GABRA2: variants seen among roughly 807,000 people sequenced by gnomAD.
GABRA2 encodes the protein gamma-aminobutyric acid type A receptor subunit alpha2, also known as gamma-aminobutyric acid receptor subunit alpha-2.
A neutral mutation model predicts 48.7 loss-of-function variants in GABRA2; 16 were observed. That is an observed-to-expected ratio of 0.33 (90% CI 0.22 to 0.50). The LOEUF (loss-of-function observed/expected upper bound fraction) is 0.50. Among genes scored for constraint, GABRA2 ranks in the 20% least tolerant of loss-of-function variants. The pLI is 0.98. For missense variants in GABRA2, 275 were observed against 535.6 expected, an observed-to-expected ratio of 0.51 and a Z score of 4.80; for synonymous variants, 185 against 184.5, an observed-to-expected ratio of 1.00 and a Z score of -0.02.
intron 8 of GABRA2, among the ~76,000 whole-genome samples, chr4:46,264,500 T>C (rs896389465): frequency 5.9e-5 from 9 of 152,128 alleles, no homozygotes; most frequent in Non-Finnish European, 1.3e-4. Context: ...GATTTTTGTA[T>C]GCTGACCCAA....
At chr4:46,254,826 G>A (rs1715486936) in intron 9 of GABRA2, among the ~76,000 whole-genome samples, 1 of 151,612 alleles carries the variant, frequency 6.6e-6, no homozygotes, top group South Asian at 2.1e-4. Context: ...ATGTCCAGAA[G>A]TGCACTCAGC....
At chr4:46,295,118 T>C (rs1724394667) in intron 8 of GABRA2, among the ~76,000 whole-genome samples, 1 of 152,180 alleles carries the variant, frequency 6.6e-6, no homozygotes, top group South Asian at 2.1e-4. Flanking sequence ...CTGCATGATA[T>C]GCAGGCACCA....
chr4:46,265,809 G>C (rs191791998), intron 8 of GABRA2, among the ~76,000 whole-genome samples: 17 of 151,746 alleles, frequency 1.1e-4, no homozygotes, highest in African/African-American at 3.9e-4. Flanking sequence ...TAACATAAGT[G>C]GTTAGAGATA....
At chr4:46,273,057 CT>C (rs1719657837) in intron 8 of GABRA2, among the ~76,000 whole-genome samples, 1 of 88,552 alleles carries the variant, frequency 1.1e-5, no homozygotes, top group Non-Finnish European at 2.2e-5. Context: ...CCCCCCACCC[CT>C]GACAGAAATT....
intron 9 of GABRA2, among the ~76,000 whole-genome samples, chr4:46,257,207 A>G (rs1021619257): frequency 2.6e-5 from 4 of 151,686 alleles, no homozygotes; most frequent in African/African-American, 9.7e-5. Flanking sequence ...GTCAAAACAC[A>G]ATTTGGGGAA....
intron 3 of GABRA2, among the ~76,000 whole-genome samples, chr4:46,355,800 C>T (rs932144098): frequency 2.0e-5 from 3 of 152,014 alleles, no homozygotes; most frequent in Non-Finnish European, 2.9e-5. Context: ...TCTGTATTAC[C>T]TTAAAATATC....
At chr4:46,375,971 T>C (rs1715636590) in intron 3 of GABRA2, among the ~76,000 whole-genome samples, 1 of 152,218 alleles carries the variant, frequency 6.6e-6, no homozygotes, top group African/African-American at 2.4e-5. Flanking sequence ...CCTACTTCTC[T>C]AAACTTCAAT....
At chr4:46,334,100 T>C (rs938758457) in intron 3 of GABRA2, among the ~76,000 whole-genome samples, 2 of 152,084 alleles carry the variant, frequency 1.3e-5, no homozygotes, top group African/African-American at 4.8e-5. Context: ...GAAAATAAAT[T>C]TATAAAATTA....
Position 46,256,218 on chromosome 4 carries a change from A to G in GABRA2, c.1060-5614T>C, listed in dbSNP as rs1009777259. ...ACAGAAGATTGTTTGAAGGTTAAAC[A>G]GTCCATCCACTTCTCTAAGTACTCT... On this transcript the variant is annotated intron_variant, in intron 9 of 9. Transcript: ENST00000381620. 3.4e-5 allele frequency: 23 copies of G among 681,612 alleles called. No homozygotes were observed. Among genetic ancestry groups the G allele is most frequent in the Non-Finnish European group, 5.6e-5 (21 of 374,298 alleles). 42.2% of individuals were successfully genotyped at this position (681,612 alleles called of 1,614,324 possible).
At chr4:46,305,791 C>T in intron 6 of GABRA2, 80 bp from the exon 7 acceptor site, 2 of 992,074 alleles carry the variant, frequency 2.0e-6, no homozygotes, top group Non-Finnish European at 3.0e-6. Context: ...TTGTGTATTT[C>T]ATACAATCAC....
At chr4:46,252,959 G>A (rs1357567039) in intron 9 of GABRA2, among the ~76,000 whole-genome samples, 1 of 151,334 alleles carries the variant, frequency 6.6e-6, no homozygotes, top group Non-Finnish European at 1.5e-5. Flanking sequence ...TATTCTCCTA[G>A]TGGAGTGCAA....
chr4:46,325,982 G>A (rs1351411947), intron 4 of GABRA2, among the ~76,000 whole-genome samples: 1 of 151,852 alleles, frequency 6.6e-6, no homozygotes, highest in South Asian at 2.1e-4. Context: ...AGCCTTGTAG[G>A]GTAGTTTGAA....
rs1216149956 is a variant in GABRA2 at position 46,249,200 on chromosome 4, A to G, written c.*1108T>C. Reference sequence around the variant, plus strand: ...TGAGTCAGCGAAATTTAAAGTTGCAATTTACAAAAGCAGATTTACATTAAT... The same window carrying G: ...TGAGTCAGCGAAATTTAAAGTTGCAGTTTACAAAAGCAGATTTACATTAAT... On this transcript the variant is annotated 3_prime_UTR_variant, in exon 10 of 10. Coordinates refer to ENST00000381620, the MANE Select transcript of GABRA2 (RefSeq NM_000807.4). The G allele has an allele frequency of 6.6e-6, 1 of 151,490 alleles. No individual in the cohort carries two copies. The highest frequency in any genetic ancestry group is 1.5e-5 in the Non-Finnish European group (1 of 67,690). 9.4% of individuals were successfully genotyped at this position (151,490 alleles called of 1,614,324 possible).
At chr4:46,346,139 C>T (rs1171693201) in intron 3 of GABRA2, among the ~76,000 whole-genome samples, 1 of 151,946 alleles carries the variant, frequency 6.6e-6, no homozygotes, top group Non-Finnish European at 1.5e-5. Flanking sequence ...TGCCATTTGT[C>T]ATCCATCAAT....
At chr4:46,307,329 CT>C in intron 6 of GABRA2, among the ~76,000 whole-genome samples, 1 of 151,742 alleles carries the variant, frequency 6.6e-6, no homozygotes. Flanking sequence ...TTCTGGCGCT[CT>C]CTTCAATAAA....
At chr4:46,371,759 C>G (rs552609045) in intron 3 of GABRA2, among the ~76,000 whole-genome samples, 2 of 152,196 alleles carry the variant, frequency 1.3e-5, no homozygotes, top group South Asian at 4.1e-4. Context: ...TGTTTATACT[C>G]TGCTAAAAAT....
At chr4:46,306,622 T>C (rs1021148118) in intron 6 of GABRA2, among the ~76,000 whole-genome samples, 1 of 152,200 alleles carries the variant, frequency 6.6e-6, no homozygotes, top group Non-Finnish European at 1.5e-5. Flanking sequence ...CTACGCACTT[T>C]TACTCATGAG....
chr4:46,277,543 A>G (rs1426127739), intron 8 of GABRA2, among the ~76,000 whole-genome samples: 1 of 152,148 alleles, frequency 6.6e-6, no homozygotes, highest in Non-Finnish European at 1.5e-5. Context: ...AAAACCGTCT[A>G]TATCTATCTC....
In GABRA2 at chr4:46,245,898, C is replaced by T. The variant is rs1713627752; in HGVS notation, c.*4410G>A. ...CGTATAACCACCTTTATAAGTATTTCTTCATATATAAACAAACAAAAATAG... is the reference window on the plus strand; with the variant it reads ...CGTATAACCACCTTTATAAGTATTTTTTCATATATAAACAAACAAAAATAG... On this transcript the variant is annotated 3_prime_UTR_variant, in exon 10 of 10. Coordinates refer to ENST00000381620, the MANE Select transcript of GABRA2 (RefSeq NM_000807.4). Among the ~76,000 whole-genome samples, 1 of 150,932 alleles carries T rather than the reference C, an allele frequency of 6.6e-6. No individual in the cohort carries two copies. The highest frequency in any genetic ancestry group is 2.4e-5 in the African/African-American group (1 of 41,236).
Sources: gnomAD v4.1 joint callset for allele counts (sites outside exome capture counted in the v4.1 genomes callset) on GRCh38, gnomAD v4.1.1 for gene constraint, MANE v1.5 for transcripts, NCBI Gene and HGNC (gene_info 2026-07-23, HGNC 2026-07-21) for gene names.